Variants in MAST2 observed in about 807,000 individuals in gnomAD.
MAST2 encodes the protein microtubule-associated serine/threonine-protein kinase 2.
In MAST2, 70 loss-of-function variants were observed where a neutral mutation model predicts 147.4. The ratio of observed to expected loss-of-function variants is 0.47; its 90% CI spans 0.39 to 0.58. The LOEUF (loss-of-function observed/expected upper bound fraction) is 0.58, where lower values mean the gene tolerates loss of function less well. MAST2 is among the 20% of genes least tolerant of loss of function. The probability of loss-of-function intolerance (pLI) is 0.00; values close to 1 mark genes in which losing one functional copy is unlikely to be tolerated. For synonymous variants in MAST2, 869 were observed against 896.8 expected, an observed-to-expected ratio of 0.97 and a Z score of 0.55; for missense variants, 2,080 against 2,302.3, an observed-to-expected ratio of 0.90 and a Z score of 1.98.
intron 4 of MAST2, among the ~76,000 whole-genome samples, chr1:45,887,739 G>A (rs1206345575): frequency 3.3e-5 from 5 of 152,188 alleles, no homozygotes; most frequent in African/African-American, 9.7e-5. Context: ...TATCAGTGGC[G>A]TCTGATATAG....
chr1:45,924,178 C>T (rs1408297168), intron 4 of MAST2, among the ~76,000 whole-genome samples: 1 of 151,800 alleles, frequency 6.6e-6, no homozygotes, highest in Non-Finnish European at 1.5e-5. Flanking sequence ...AAAAAAATCC[C>T]TCTGTTTTTT....
At chr1:45,815,567 A>T (rs1026652207) in intron 1 of MAST2, among the ~76,000 whole-genome samples, 1 of 152,190 alleles carries the variant, frequency 6.6e-6, no homozygotes, top group Non-Finnish European at 1.5e-5. Context: ...AAGTTATTTC[A>T]TAGGGGTGTT....
At chr1:46,011,921 A>G (rs1645731277) in intron 10 of MAST2, among the ~76,000 whole-genome samples, 1 of 152,234 alleles carries the variant, frequency 6.6e-6, no homozygotes, top group South Asian at 2.1e-4. Context: ...TATAAAAGAG[A>G]GCAGATTGTT....
intron 5 of MAST2, among the ~76,000 whole-genome samples, chr1:45,986,666 G>C (rs1472497392): frequency 1.4e-5 from 2 of 144,776 alleles, no homozygotes; most frequent in South Asian, 4.4e-4. Context: ...GCAGTGAGCC[G>C]AGATTGCGCC....
In MAST2 at chr1:45,973,150, C is replaced by CT. The variant is rs1487125647; in HGVS notation, c.592+13680dup. Among the ~76,000 whole-genome samples, 14 of 151,596 alleles carry CT rather than the reference C, an allele frequency of 9.2e-5. No homozygotes were observed. In the East Asian group the frequency reaches 2.7e-3, roughly 29 times the overall value. On this transcript the variant is annotated intron_variant, in intron 5 of 28. Coordinates refer to ENST00000361297, the MANE Select transcript of MAST2 (RefSeq NM_015112.3). ...TCTTCAGTTCTACTCCTGTATTATT[C>CT]TTTTTTTCAGTCTGTTTGTGAGCTG...
At chr1:45,877,052 G>A (rs1056764693) in intron 3 of MAST2, among the ~76,000 whole-genome samples, 2 of 152,098 alleles carry the variant, frequency 1.3e-5, no homozygotes, top group Non-Finnish European at 2.9e-5. Flanking sequence ...GAGTGTCTTC[G>A]TCTGTTCGTG....
chr1:45,861,368 A>G (rs1159812508), intron 3 of MAST2, among the ~76,000 whole-genome samples: 2 of 151,386 alleles, frequency 1.3e-5, no homozygotes, highest in African/African-American at 2.4e-5. Context: ...TACCAATTCT[A>G]CTTTTTGTTC....
intron 4 of MAST2, among the ~76,000 whole-genome samples, chr1:45,928,377 G>A (rs937498280): frequency 1.3e-5 from 2 of 152,062 alleles, no homozygotes. Flanking sequence ...TTTGCAGTTG[G>A]TTTTTTGGAA....
intron 1 of MAST2, among the ~76,000 whole-genome samples, chr1:45,808,664 T>TA (rs1198433231): frequency 6.6e-6 from 1 of 152,206 alleles, no homozygotes; most frequent in Admixed American, 6.6e-5. Flanking sequence ...GTTGTTGCAG[T>TA]ATCTTAACTG....
intron 3 of MAST2, among the ~76,000 whole-genome samples, chr1:45,869,110 T>C (rs1235643691): frequency 6.6e-6 from 1 of 152,224 alleles, no homozygotes; most frequent in African/African-American, 2.4e-5. Context: ...TAGTCATTTT[T>C]TTCTGACATT....
At chr1:45,970,434 G>T (rs1643870951) in intron 5 of MAST2, among the ~76,000 whole-genome samples, 1 of 152,098 alleles carries the variant, frequency 6.6e-6, no homozygotes, top group South Asian at 2.1e-4. Flanking sequence ...GGAGGCCAAG[G>T]CAGGCGGATC....
At chr1:45,822,362 C>G (rs1644663715) in intron 1 of MAST2, among the ~76,000 whole-genome samples, 1 of 150,656 alleles carries the variant, frequency 6.6e-6, no homozygotes, top group Non-Finnish European at 1.5e-5. Flanking sequence ...ATTTCCTTTC[C>G]TTTGCCAGGT....
At chr1:45,857,666 A>G (rs1272953049) in intron 3 of MAST2, among the ~76,000 whole-genome samples, 2 of 152,048 alleles carry the variant, frequency 1.3e-5, no homozygotes, top group South Asian at 4.1e-4. Flanking sequence ...TTTGTTACAT[A>G]TGTATACATG....
chr1:45,990,898 GT>G (rs980599714), intron 5 of MAST2, among the ~76,000 whole-genome samples: 6 of 151,664 alleles, frequency 4.0e-5, no homozygotes, highest in African/African-American at 1.2e-4. Flanking sequence ...GCTTATTAAT[GT>G]TTTTTTTCAT....
At position 46,030,769 on chromosome 1, in the gene MAST2, C is replaced by T; in HGVS notation, c.2708+8C>T. 1 of 1,566,412 alleles carries T rather than the reference C, an allele frequency of 6.4e-7. No homozygotes were observed. Among genetic ancestry groups the T allele is most frequent in the Non-Finnish European group, 8.6e-7 (1 of 1,160,760 alleles). On this transcript the variant is annotated splice_region_variant and intron_variant, in intron 22 of 28. Coordinates refer to ENST00000361297, the MANE Select transcript of MAST2 (RefSeq NM_015112.3). ...GATTGGCTCCCCTGAGATGTGAGCACCCAGAGTTCACCCAGGGTGGGCGAC... is the reference window on the plus strand; with the variant it reads ...GATTGGCTCCCCTGAGATGTGAGCATCCAGAGTTCACCCAGGGTGGGCGAC...
At chr1:45,997,680 C>T in intron 5 of MAST2, 44 bp from the exon 6 acceptor site, 3 of 1,509,888 alleles carry the variant, frequency 2.0e-6, no homozygotes, top group Non-Finnish European at 2.8e-6. Context: ...CCACCCTCCT[C>T]ACAAGCAAAC....
chr1:45,965,696 C>T (rs550430269), intron 5 of MAST2, among the ~76,000 whole-genome samples: 7 of 151,930 alleles, frequency 4.6e-5, no homozygotes, highest in East Asian at 3.9e-4. Flanking sequence ...CCCAGCCATT[C>T]GAGAAATGGA....
intron 3 of MAST2, among the ~76,000 whole-genome samples, chr1:45,851,104 A>T (rs1008845656): frequency 6.6e-6 from 1 of 151,402 alleles, no homozygotes; most frequent in Non-Finnish European, 1.5e-5. Flanking sequence ...TGAGCATGAA[A>T]TTTTTTTCCT....
intron 4 of MAST2, among the ~76,000 whole-genome samples, chr1:45,933,241 G>C (rs1225936990): frequency 6.8e-6 from 1 of 146,774 alleles, no homozygotes; most frequent in Non-Finnish European, 1.5e-5. Flanking sequence ...AAAAAAGCGG[G>C]GGGGTTGGGG....
Sources: gnomAD v4.1 joint callset for allele counts (sites outside exome capture counted in the v4.1 genomes callset) on GRCh38, gnomAD v4.1.1 for gene constraint, MANE v1.5 for transcripts, NCBI Gene and HGNC (gene_info 2026-07-23, HGNC 2026-07-21) for gene names.